GLYR1: variants seen among roughly 807,000 people sequenced by gnomAD.
The protein encoded by GLYR1 is glyoxylate reductase 1 homolog.
GLYR1 carries 21 observed loss-of-function variants against 72.7 expected under a neutral mutation model. The observed-to-expected ratio is 0.29, with a 90% CI of 0.20 to 0.42. GLYR1 has a LOEUF of 0.42. GLYR1 is among the 10% of genes least tolerant of loss of function. GLYR1 has a pLI of 1.00. For missense variants in GLYR1, 594 were observed against 712.1 expected, an observed-to-expected ratio of 0.83 and a Z score of 1.89; for synonymous variants, 392 against 270.2, an observed-to-expected ratio of 1.45 and a Z score of -4.42.
At chr16:4,806,449 T>G (rs950024965) in intron 15 of GLYR1, among the ~76,000 whole-genome samples, 3 of 151,482 alleles carry the variant, frequency 2.0e-5, no homozygotes, top group Non-Finnish European at 4.4e-5. Context: ...CTCGAACTCC[T>G]GGGCTCAAGC....
At chr16:4,821,910 C>T (rs2084053348) in intron 7 of GLYR1, among the ~76,000 whole-genome samples, 1 of 152,246 alleles carries the variant, frequency 6.6e-6, no homozygotes, top group Non-Finnish European at 1.5e-5. Flanking sequence ...ACCCCATAAC[C>T]TTGCAGACCT....
At chr16:4,844,488 C>G (rs1018549494) in intron 3 of GLYR1, among the ~76,000 whole-genome samples, 2 of 152,180 alleles carry the variant, frequency 1.3e-5, no homozygotes, top group African/African-American at 2.4e-5. Context: ...AAAATAATTG[C>G]CAGCTGGGCG....
chr16:4,830,688 C>T (rs763559240), intron 5 of GLYR1, among the ~76,000 whole-genome samples: 2 of 152,184 alleles, frequency 1.3e-5, no homozygotes, highest in Non-Finnish European at 2.9e-5. Context: ...ACAATCCTAC[C>T]GCGTTCCTGA....
intron 14 of GLYR1, 79 bp downstream of exon 14, chr16:4,811,544 C>CG: frequency 6.5e-7 from 1 of 1,543,478 alleles, no homozygotes; most frequent in African/African-American, 1.4e-5. Context: ...GGGCATCTTT[C>CG]ACGCTCACTA....
At chr16:4,842,703 C>G (rs1175570459) in intron 3 of GLYR1, among the ~76,000 whole-genome samples, 2 of 149,152 alleles carry the variant, frequency 1.3e-5, no homozygotes, top group African/African-American at 5.0e-5. Context: ...TGCACATAAT[C>G]TTTATTTATT....
chr16:4,840,934 G>A (rs987515202), intron 3 of GLYR1, among the ~76,000 whole-genome samples: 9 of 152,230 alleles, frequency 5.9e-5, no homozygotes, highest in Non-Finnish European at 4.4e-5. Context: ...CTTCTTTAGA[G>A]AAGTACTGTA....
At chr16:4,827,574 G>A (rs1028583419) in intron 5 of GLYR1, among the ~76,000 whole-genome samples, 1 of 150,808 alleles carries the variant, frequency 6.6e-6, no homozygotes, top group African/African-American at 2.5e-5. Context: ...TGCTTTGTAG[G>A]TGTTGCACTT....
chr16:4,824,014 T>C, intron 5 of GLYR1, 107 bp from the exon 6 acceptor site: 2 of 783,776 alleles, frequency 2.6e-6, no homozygotes, highest in East Asian at 2.6e-5. Flanking sequence ...CCAACCACTG[T>C]TCTGATGACC....
intron 12 of GLYR1, 109 bp from the exon 13 acceptor site, chr16:4,812,357 C>G: frequency 8.1e-7 from 1 of 1,229,526 alleles, no homozygotes; most frequent in Non-Finnish European, 1.1e-6. Context: ...CCTTCCAGAG[C>G]TGGAGGGGAC....
At chr16:4,813,715 C>A (rs750045415) in intron 12 of GLYR1, 22 bp downstream of exon 12, 2 of 1,563,254 alleles carry the variant, frequency 1.3e-6, no homozygotes, top group Non-Finnish European at 1.7e-6. Flanking sequence ...TGCTGGAGAG[C>A]CAGCCCAAGG....
chr16:4,838,801 A>T (rs2085336256), intron 3 of GLYR1, among the ~76,000 whole-genome samples: 1 of 151,956 alleles, frequency 6.6e-6, no homozygotes, highest in Non-Finnish European at 1.5e-5. Context: ...GTTAGCCAGC[A>T]TGGTCTTGAT....
chr16:4,840,374 T>C (rs1030095343), intron 3 of GLYR1: 3 of 152,220 alleles, frequency 2.0e-5, no homozygotes, highest in South Asian at 2.1e-4. Flanking sequence ...GAAAGCATGA[T>C]CTGAAGTCCA....
At chr16:4,806,243 G>A (rs562468436) in intron 15 of GLYR1, among the ~76,000 whole-genome samples, 2 of 152,216 alleles carry the variant, frequency 1.3e-5, no homozygotes, top group Non-Finnish European at 2.9e-5. Context: ...AATGGCAGCA[G>A]TGCCGAGGTT....
chr16:4,818,064 A>G, intron 9 of GLYR1: 1 of 177,062 alleles, frequency 5.6e-6, no homozygotes, highest in Non-Finnish European at 1.2e-5. Context: ...GCGCGAGCTC[A>G]GCTCACTGCA....
At chr16:4,846,015 C>T (rs551723012) in intron 2 of GLYR1, among the ~76,000 whole-genome samples, 159 bp downstream of exon 2, 5 of 152,300 alleles carry the variant, frequency 3.3e-5, no homozygotes, top group African/African-American at 1.2e-4. Context: ...ACTGCATTGC[C>T]TTTTAAAAAA....
At chr16:4,812,428 T>C (rs2083370186) in intron 12 of GLYR1, among the ~76,000 whole-genome samples, 180 bp from the exon 13 acceptor site, 1 of 151,636 alleles carries the variant, frequency 6.6e-6, no homozygotes, top group African/African-American at 2.4e-5. Context: ...CATGTGCAGG[T>C]CACACAGGCC....
chr16:4,824,753 C>T (rs1293006391), intron 5 of GLYR1, among the ~76,000 whole-genome samples: 1 of 152,118 alleles, frequency 6.6e-6, no homozygotes, highest in Admixed American at 6.6e-5. Flanking sequence ...TCTTCCTGGG[C>T]AAAGGGTCCT....
chr16:4,812,278 C>G (rs1191885029), intron 12 of GLYR1, 30 bp from the exon 13 acceptor site: 3 of 1,600,016 alleles, frequency 1.9e-6, no homozygotes, highest in African/African-American at 2.7e-5. Context: ...CTTCTGGAGG[C>G]CTCCCCTCTC....
chr16:4,830,615 T>C (rs1376599610), intron 5 of GLYR1, among the ~76,000 whole-genome samples: 2 of 152,232 alleles, frequency 1.3e-5, no homozygotes, highest in African/African-American at 2.4e-5. Context: ...TGTTCCATCA[T>C]GGCCTCGTCA....
Sources: gnomAD v4.1 joint callset for allele counts (sites outside exome capture counted in the v4.1 genomes callset) on GRCh38, gnomAD v4.1.1 for gene constraint, MANE v1.5 for transcripts, NCBI Gene and HGNC (gene_info 2026-07-23, HGNC 2026-07-21) for gene names.